Variants in FTCDNL1 observed in about 807,000 individuals in gnomAD.
FTCDNL1 encodes formiminotransferase cyclodeaminase N-terminal like, also known as formiminotransferase N-terminal subdomain-containing protein.
FTCDNL1 carries 11 observed loss-of-function variants against 5.9 expected under a neutral mutation model. The ratio of observed to expected loss-of-function variants is 1.87; its 90% CI spans 1.18 to 3.10. The LOEUF is 3.10. Among genes scored for constraint, FTCDNL1 ranks in the 30% most tolerant of loss-of-function variants. The pLI is 0.00. For synonymous variants in FTCDNL1, 58 were observed against 24.8 expected, an observed-to-expected ratio of 2.34 and a Z score of -3.99; for missense variants, 115 against 65.5, an observed-to-expected ratio of 1.76 and a Z score of -2.61.
At chr2:199,782,315 A>G (rs971546568) in intron 3 of FTCDNL1, among the ~76,000 whole-genome samples, 2 of 152,244 alleles carry the variant, frequency 1.3e-5, no homozygotes, top group South Asian at 2.1e-4. Context: ...AATAATTTAC[A>G]TACAATAAAA....
At chr2:199,842,702 A>G (rs2076622873) in intron 3 of FTCDNL1, among the ~76,000 whole-genome samples, 1 of 152,222 alleles carries the variant, frequency 6.6e-6, no homozygotes, top group Non-Finnish European at 1.5e-5. Context: ...TACGTTATTC[A>G]GCATTTTTGC....
intron 3 of FTCDNL1, among the ~76,000 whole-genome samples, chr2:199,799,914 T>A (rs960789531): frequency 1.3e-5 from 2 of 152,046 alleles, no homozygotes; most frequent in African/African-American, 4.8e-5. Context: ...CTCTGAAAAT[T>A]AGTAGATCTA....
downstream of FTCDNL1, among the ~76,000 whole-genome samples, chr2:199,807,390 T>G (rs539940202): frequency 9.2e-5 from 14 of 152,224 alleles, no homozygotes; most frequent in African/African-American, 3.4e-4. Context: ...GTAATCCCAG[T>G]ACTTTGGGAG....
chr2:199,736,782 C>T, the FTCDNL1 span, among the ~76,000 whole-genome samples: 411 of 152,300 alleles, frequency 2.7e-3, 1 homozygote, highest in Non-Finnish European at 3.5e-3. Context: ...CCTCAAAAGA[C>T]GCAGCTACCC....
intron 3 of FTCDNL1, among the ~76,000 whole-genome samples, chr2:199,840,459 GGTGT>G (rs2076551576): frequency 6.6e-6 from 1 of 151,970 alleles, no homozygotes; most frequent in African/African-American, 2.4e-5. Context: ...AAGTGTGAGT[GGTGT>G]GTGTCTGTGT....
chr2:199,674,731 A>G, the FTCDNL1 span, among the ~76,000 whole-genome samples: 1 of 152,148 alleles, frequency 6.6e-6, no homozygotes, highest in Non-Finnish European at 1.5e-5. Flanking sequence ...CTTTTCTACA[A>G]ATTTATTTAC....
intron 1 of FTCDNL1, 113 bp from the exon 2 acceptor site, chr2:199,849,082 T>C: frequency 1.6e-6 from 1 of 610,280 alleles, no homozygotes. Flanking sequence ...TATGAGCACT[T>C]TACTATTTCA....
chr2:199,743,617 G>C, the FTCDNL1 span, among the ~76,000 whole-genome samples: 1 of 152,046 alleles, frequency 6.6e-6, no homozygotes, highest in Non-Finnish European at 1.5e-5. Flanking sequence ...TTTCTCCTGA[G>C]ACTACATGCT....
intron 3 of FTCDNL1, among the ~76,000 whole-genome samples, chr2:199,769,273 T>C (rs1422616792): frequency 6.6e-6 from 1 of 152,136 alleles, no homozygotes. Flanking sequence ...TCACCTTGAA[T>C]TGTAATTATC....
chr2:199,787,190 T>C (rs1167847518), intron 3 of FTCDNL1, among the ~76,000 whole-genome samples: 1 of 136,834 alleles, frequency 7.3e-6, no homozygotes, highest in Non-Finnish European at 1.7e-5. Flanking sequence ...TTCTTTTCTT[T>C]TTTTTTTTTG....
intron 3 of FTCDNL1, among the ~76,000 whole-genome samples, chr2:199,768,870 TTTG>T (rs1698668962): frequency 2.0e-5 from 3 of 152,096 alleles, no homozygotes; most frequent in Admixed American, 6.6e-5. Context: ...GCTATTTAAG[TTTG>T]TCTCTCCACA....
the FTCDNL1 span, among the ~76,000 whole-genome samples, chr2:199,672,656 G>A: frequency 6.6e-6 from 1 of 152,038 alleles, no homozygotes; most frequent in Non-Finnish European, 1.5e-5. Flanking sequence ...CTGGTGCTCT[G>A]GCTGGAAAGA....
chr2:199,835,859 C>A (rs1025208136), intron 3 of FTCDNL1, among the ~76,000 whole-genome samples: 1 of 152,190 alleles, frequency 6.6e-6, no homozygotes, highest in South Asian at 2.1e-4. Flanking sequence ...AATCAGAAAA[C>A]CTAAAACCCC....
chr2:199,756,274 A>G (rs1298467128), downstream of FTCDNL1, among the ~76,000 whole-genome samples: 1 of 152,180 alleles, frequency 6.6e-6, no homozygotes. Context: ...GAACAATTTT[A>G]TTTAAGAATC....
chr2:199,790,759 C>T (rs1053267012), intron 3 of FTCDNL1, among the ~76,000 whole-genome samples: 2 of 152,120 alleles, frequency 1.3e-5, no homozygotes, highest in Non-Finnish European at 2.9e-5. Context: ...TTTTACTTTA[C>T]ACTTGAGTGG....
In FTCDNL1 at chr2:199,810,892, TCC is replaced by T. The variant is rs1486469652; in HGVS notation, c.*1811_*1812del. Among the ~76,000 whole-genome samples, 10 of 152,330 alleles carry T rather than the reference TCC, an allele frequency of 6.6e-5. No homozygotes were observed. The highest frequency in any genetic ancestry group is 1.2e-4 in the Non-Finnish European group (8 of 68,038). Reference sequence around the variant, plus strand: ...AAACTTATTGCTCCTGATGTCAGCATCCATCAGAGAAATGCCTTCTGGGTTCA... The same window carrying T: ...AAACTTATTGCTCCTGATGTCAGCATATCAGAGAAATGCCTTCTGGGTTCA... On this transcript the variant is annotated 3_prime_UTR_variant, in exon 5 of 5. Transcript: ENST00000420128.
downstream of FTCDNL1, among the ~76,000 whole-genome samples, chr2:199,808,753 C>A (rs564298921): frequency 6.6e-6 from 1 of 152,270 alleles, no homozygotes; most frequent in South Asian, 2.1e-4. Context: ...CTAGAATAGA[C>A]CTAGAAAAAC....
intron 3 of FTCDNL1, chr2:199,760,843 T>C: frequency 2.8e-6 from 2 of 702,336 alleles, no homozygotes; most frequent in Non-Finnish European, 5.2e-6. Context: ...CCACTGGGAA[T>C]AAGGGAAGGA....
intron 3 of FTCDNL1, among the ~76,000 whole-genome samples, chr2:199,763,284 G>A (rs966211455): frequency 2.0e-5 from 3 of 152,130 alleles, no homozygotes; most frequent in African/African-American, 4.8e-5. Context: ...GGCTCTGAGC[G>A]TTCACACTGT....
Sources: gnomAD v4.1 joint callset for allele counts (sites outside exome capture counted in the v4.1 genomes callset) on GRCh38, gnomAD v4.1.1 for gene constraint, MANE v1.5 for transcripts, NCBI Gene and HGNC (gene_info 2026-07-23, HGNC 2026-07-21) for gene names.